TVP23A: variants seen among roughly 807,000 people sequenced by gnomAD.
TVP23A encodes Golgi apparatus membrane protein TVP23 homolog A.
Under a neutral mutation model 31.7 loss-of-function variants are expected in TVP23A, and 21 were observed. The ratio of observed to expected loss-of-function variants is 0.66; its 90% CI spans 0.47 to 0.95. The LOEUF is 0.95. Among genes scored for constraint, TVP23A ranks in the 40% least tolerant of loss-of-function variants. TVP23A has a pLI of 0.00. For missense variants in TVP23A, 279 were observed against 255.6 expected (o/e 1.09, Z -0.62); for synonymous variants, 104 against 96.0 (o/e 1.08, Z -0.49).
chr16:10,797,720 T>TA lies in TVP23A; in HGVS notation c.89+20382dup, dbSNP rs888513908. ...TGATGACAAAGTGAGATACTGTCTC[T>TA]AAAAAAAAAATCATTTTTGTCTCTT... On this transcript the variant is annotated intron_variant, in intron 2 of 7. Coordinates refer to ENST00000299866, the MANE Select transcript of TVP23A (RefSeq NM_001079512.4). Among the ~76,000 whole-genome samples, 27 of 148,572 alleles carry TA rather than the reference T, an allele frequency of 1.8e-4. No homozygotes were observed. In the South Asian group the frequency reaches 2.1e-3, roughly 12 times the overall value.
At chr16:10,803,167 C>G (rs1171597857) in intron 2 of TVP23A, among the ~76,000 whole-genome samples, 1 of 151,436 alleles carries the variant, frequency 6.6e-6, no homozygotes, top group East Asian at 1.9e-4. Flanking sequence ...GCCTGTAATG[C>G]CAGCTACTCA....
intron 4 of TVP23A, 62 bp from the exon 5 acceptor site, chr16:10,773,503 C>G: frequency 6.6e-7 from 1 of 1,514,508 alleles, no homozygotes; most frequent in East Asian, 2.3e-5. Flanking sequence ...CGAGCGTGCT[C>G]ACATTTTCAT....
Position 10,775,112 on chromosome 16 carries a change from GA to G in TVP23A, c.90-17del. ...CAAGGGGTGTCTAGGAAAGGACCCA[GA>G]AGGCGCCCTCACTCCAAGAGCTAAG... On this transcript the variant is annotated splice_polypyrimidine_tract_variant and intron_variant, in intron 2 of 7. Transcript: ENST00000299866. The G allele has an allele frequency of 1.2e-6, 2 of 1,600,552 alleles. No homozygotes were observed. The highest frequency in any genetic ancestry group is 1.7e-6 in the Non-Finnish European group (2 of 1,173,868).
chr16:10,818,513 C>T lies in TVP23A; in HGVS notation c.-20G>A, dbSNP rs2034544908. 1 of 1,602,214 alleles carries T rather than the reference C, an allele frequency of 6.2e-7. No homozygotes were observed. The highest frequency in any genetic ancestry group is 8.5e-7 in the Non-Finnish European group (1 of 1,178,272). ...CTTCATCACCCTCCCAGGAGCCCAC[C>T]TGGCGCCCAGGCCCGGGGCTCCAGC... On this transcript the variant is annotated 5_prime_UTR_variant, in exon 1 of 8. Transcript: ENST00000299866. The surrounding 1 kb of genome is among the most constrained non-coding windows in gnomAD (Gnocchi z 4.7).
intron 2 of TVP23A, among the ~76,000 whole-genome samples, chr16:10,813,859 C>T (rs961176961): frequency 5.3e-5 from 8 of 151,744 alleles, no homozygotes; most frequent in Admixed American, 2.6e-4. Context: ...AATTAGCCAG[C>T]GTGGTGGCAC....
At chr16:10,776,689 G>C (rs1037834856) in intron 2 of TVP23A, among the ~76,000 whole-genome samples, 7 of 152,162 alleles carry the variant, frequency 4.6e-5, no homozygotes, top group African/African-American at 1.7e-4. Flanking sequence ...AAGTTTATTT[G>C]GAAAGTAAAG....
intron 2 of TVP23A, among the ~76,000 whole-genome samples, chr16:10,802,205 A>G (rs1288214268): frequency 1.3e-5 from 2 of 150,672 alleles, no homozygotes; most frequent in Non-Finnish European, 3.0e-5. Flanking sequence ...TTGAGTAACA[A>G]CAAGAGTATG....
At chr16:10,802,754 A>C (rs1265361171) in intron 2 of TVP23A, among the ~76,000 whole-genome samples, 2 of 152,064 alleles carry the variant, frequency 1.3e-5, no homozygotes, top group Non-Finnish European at 2.9e-5. Context: ...TTACATATTT[A>C]TTTTATTTGC....
At chr16:10,771,629 C>G in intron 6 of TVP23A, 41 bp downstream of exon 6, 1 of 1,610,016 alleles carries the variant, frequency 6.2e-7, no homozygotes, top group Non-Finnish European at 8.5e-7. Flanking sequence ...CTTTGACTAC[C>G]TGGAGAGGAG....
At chr16:10,806,848 GAACAAGAAAT>G (rs2033969631) in intron 2 of TVP23A, among the ~76,000 whole-genome samples, 1 of 152,136 alleles carries the variant, frequency 6.6e-6, no homozygotes. Flanking sequence ...AATTTCATGT[GAACAAGAAAT>G]ATAAATAAGA....
At chr16:10,797,251 T>C (rs1414075749) in intron 2 of TVP23A, among the ~76,000 whole-genome samples, 2 of 152,026 alleles carry the variant, frequency 1.3e-5, no homozygotes, top group South Asian at 2.1e-4. Context: ...AAATGAATCT[T>C]GGCCAGGCGC....
At chr16:10,758,206 C>T (rs994688402), downstream of TVP23A, among the ~76,000 whole-genome samples, 1 of 152,180 alleles carries the variant, frequency 6.6e-6, no homozygotes, top group Non-Finnish European at 1.5e-5. Flanking sequence ...CACAGTGATT[C>T]ACACCTGTAA....
intron 6 of TVP23A, among the ~76,000 whole-genome samples, chr16:10,770,616 T>A (rs1016890743): frequency 2.6e-5 from 4 of 151,214 alleles, no homozygotes; most frequent in African/African-American, 9.7e-5. Context: ...CTCCCGCCTG[T>A]AATCCTAGCA....
intron 7 of TVP23A, 53 bp from the exon 8 acceptor site, chr16:10,769,154 G>A (rs2031330666): frequency 3.2e-6 from 5 of 1,572,560 alleles, no homozygotes; most frequent in Non-Finnish European, 4.4e-6. Context: ...GGCACTCACT[G>A]GGCAGCACAT....
chr16:10,783,513 TAAAAATAC>T (rs1045692846), intron 2 of TVP23A, among the ~76,000 whole-genome samples: 4 of 152,006 alleles, frequency 2.6e-5, no homozygotes, highest in Non-Finnish European at 2.9e-5. Context: ...CCATCTCTAC[TAAAAATAC>T]AAAATTTAGC....
At chr16:10,806,051 T>TAA (rs1283160413) in intron 2 of TVP23A, among the ~76,000 whole-genome samples, 2 of 152,082 alleles carry the variant, frequency 1.3e-5, no homozygotes, top group Non-Finnish European at 2.9e-5. Context: ...AATGAATGAT[T>TAA]AAATATTCGG....
At chr16:10,802,047 C>A (rs1294479480) in intron 2 of TVP23A, among the ~76,000 whole-genome samples, 2 of 151,530 alleles carry the variant, frequency 1.3e-5, no homozygotes, top group African/African-American at 4.9e-5. Flanking sequence ...TATTTAGGGG[C>A]AAGTGGGCAT....
At position 10,769,029 on chromosome 16, in the gene TVP23A, T is replaced by C. The variant is rs369062540; in HGVS notation, c.*73A>G. On this transcript the variant is annotated 3_prime_UTR_variant, in exon 8 of 8. Transcript: ENST00000299866. ...AGACAAGCCATTAGCACTCTATGCC[T>C]GTCGTCTTGTTTTCCAGGAATCCAA... The C allele has an allele frequency of 9.3e-6, 15 of 1,613,474 alleles. No individual in the cohort carries two copies. Among genetic ancestry groups the C allele is most frequent in the Non-Finnish European group, 1.3e-5 (15 of 1,179,520 alleles).
intron 2 of TVP23A, among the ~76,000 whole-genome samples, chr16:10,781,383 G>A (rs1206377481): frequency 1.3e-5 from 2 of 152,040 alleles, no homozygotes; most frequent in African/African-American, 2.4e-5. Context: ...GATGAAAGGG[G>A]GAAAGGGATT....
Sources: allele counts gnomAD v4.1 joint callset (sites outside exome capture counted in the v4.1 genomes callset), GRCh38; gene constraint gnomAD v4.1.1; non-coding constraint Gnocchi (gnomAD v3.1); transcripts MANE v1.5; gene names NCBI Gene and HGNC (gene_info 2026-07-23, HGNC 2026-07-21).